The following CD160 variants were observed in gnomAD, a reference collection of about 807,000 sequenced individuals.
The protein encoded by CD160 is CD160 molecule.
A neutral mutation model predicts 19.2 loss-of-function variants in CD160; 11 were observed. The ratio of observed to expected loss-of-function variants is 0.57; its 90% CI spans 0.36 to 0.95. The LOEUF is 0.95. Ranked by LOEUF, CD160 falls within the 40% of genes least tolerant of loss-of-function variation. CD160 has a pLI of 0.01. For synonymous variants in CD160, 75 were observed against 81.1 expected, an observed-to-expected ratio of 0.93 and a Z score of 0.40; for missense variants, 182 against 213.2, an observed-to-expected ratio of 0.85 and a Z score of 0.91.
Position 145,736,057 on chromosome 1 carries a change from A to C in CD160, c.461A>C (p.Asn154Thr). The C allele has an allele frequency of 6.2e-7, 1 of 1,614,126 alleles. No homozygotes were observed. Among genetic ancestry groups the C allele is most frequent in the Non-Finnish European group, 8.5e-7 (1 of 1,179,960 alleles). Reference sequence around the variant, plus strand: ...AGACAACACCTTGAGTTCAGCCATAATGAAGGCACTCTCAGTTCAGGCTTC... The same window carrying C: ...AGACAACACCTTGAGTTCAGCCATACTGAAGGCACTCTCAGTTCAGGCTTC... ...KQRQHLEFSH[N>T]EGTLSSGFLQ... is the part of the protein sequence containing the mutation. The change falls in exon 5 of 6, where the codon AAT (asparagine) becomes ACT (threonine). Residue 154 changes from asparagine to threonine, a missense_variant. Physicochemically the swap from Asn to Thr is moderately conservative, Grantham distance 65. Coordinates refer to ENST00000369288, the MANE Select transcript of CD160 (RefSeq NM_007053.4).
intron 1 of CD160, among the ~76,000 whole-genome samples, chr1:145,723,227 C>G (rs1553708023): frequency 6.6e-6 from 1 of 152,086 alleles, no homozygotes; most frequent in Non-Finnish European, 1.5e-5. Context: ...TAGATAAGTA[C>G]AGAAGAATTT....
intron 1 of CD160, among the ~76,000 whole-genome samples, chr1:145,722,073 T>C (rs1553707880): frequency 6.6e-6 from 1 of 152,192 alleles, no homozygotes; most frequent in Non-Finnish European, 1.5e-5. Flanking sequence ...ATATGCTTCG[T>C]ACAAATAATA....
intron 1 of CD160, among the ~76,000 whole-genome samples, chr1:145,720,682 A>T (rs960108942): frequency 1.3e-5 from 2 of 152,182 alleles, no homozygotes; most frequent in Non-Finnish European, 2.9e-5. Flanking sequence ...GAGGAAATGG[A>T]GACTCTTCCT....
chr1:145,731,213 G>A, intron 4 of CD160, 143 bp downstream of exon 4: 1 of 696,846 alleles, frequency 1.4e-6, no homozygotes, highest in Non-Finnish European at 2.5e-6. Flanking sequence ...GGCAGATGCT[G>A]CCTTTCTTCA....
intron 3 of CD160, among the ~76,000 whole-genome samples, chr1:145,730,223 A>G (rs181119329): frequency 6.6e-6 from 1 of 152,256 alleles, no homozygotes; most frequent in African/African-American, 2.4e-5. Flanking sequence ...GGAAGGCGGA[A>G]GCAGGAGGAT....
rs1474323810 is a variant in CD160, at chr1:145,736,235, C to G, written c.538+101C>G. ...GGAGGAGAAGGTTGGAAAGGATGTCCAGGGGGAGAGAAAAATGTTACTCAA... is the reference window on the plus strand; with the variant it reads ...GGAGGAGAAGGTTGGAAAGGATGTCGAGGGGGAGAGAAAAATGTTACTCAA... On this transcript the variant is annotated intron_variant, in intron 5 of 5. Coordinates refer to ENST00000369288, the MANE Select transcript of CD160 (RefSeq NM_007053.4). The G allele has an allele frequency of 4.0e-5, 63 of 1,580,252 alleles. No individual in the cohort carries two copies. The Admixed American group carries it at 1.2e-3, about 29-fold the overall frequency.
intron 1 of CD160, among the ~76,000 whole-genome samples, chr1:145,719,973 G>A (rs1444223954): frequency 2.6e-5 from 4 of 152,304 alleles, no homozygotes; most frequent in Admixed American, 1.3e-4. Context: ...TTGGAGGTCC[G>A]TGAATAGATT....
chr1:145,730,183 A>C (rs1484172869), intron 3 of CD160, among the ~76,000 whole-genome samples: 14 of 152,082 alleles, frequency 9.2e-5, no homozygotes, highest in African/African-American at 3.1e-4. Context: ...AGCCAGGCAT[A>C]GTGGTGCATA....
chr1:145,733,406 C>G (rs781907991), intron 4 of CD160, among the ~76,000 whole-genome samples: 4 of 152,150 alleles, frequency 2.6e-5, no homozygotes, highest in Non-Finnish European at 4.4e-5. Flanking sequence ...AGCCAAAGTG[C>G]TGGGATTACA....
intron 2 of CD160, among the ~76,000 whole-genome samples, chr1:145,725,336 T>C (rs1464684360): frequency 6.6e-6 from 1 of 151,894 alleles, no homozygotes; most frequent in Non-Finnish European, 1.5e-5. Context: ...TCCCAGATAC[T>C]CGGCAGGCTG....
chr1:145,731,211 C>A, intron 4 of CD160, 141 bp downstream of exon 4: 1 of 699,730 alleles, frequency 1.4e-6, no homozygotes, highest in South Asian at 1.7e-5. Context: ...TTGGCAGATG[C>A]TGCCTTTCTT....
intron 5 of CD160, 105 bp downstream of exon 5, chr1:145,736,239 G>C: frequency 6.3e-7 from 1 of 1,576,824 alleles, no homozygotes. Flanking sequence ...GATGTCCAGG[G>C]GGAGAGAAAA....
intron 2 of CD160, among the ~76,000 whole-genome samples, chr1:145,725,201 CA>C (rs1657009442): frequency 6.6e-6 from 1 of 151,848 alleles, no homozygotes; most frequent in Non-Finnish European, 1.5e-5. Context: ...GGGTGGATCA[CA>C]AGGTTAGGAG....
At chr1:145,728,916 T>G (rs1268871891) in intron 3 of CD160, among the ~76,000 whole-genome samples, 1 of 152,182 alleles carries the variant, frequency 6.6e-6, no homozygotes, top group East Asian at 1.9e-4. Context: ...TAAGATTCCT[T>G]TAGGCTCTTA....
At position 145,738,660 on chromosome 1, in the gene CD160, T is replaced by C. The variant is rs879963992; in HGVS notation, c.*167T>C. The C allele has an allele frequency of 2.3e-6, 1 of 442,300 alleles. No individual in the cohort carries two copies. Among genetic ancestry groups the C allele is most frequent in the Non-Finnish European group, 3.9e-6 (1 of 255,618 alleles). 27.4% of individuals were successfully genotyped at this position (442,300 alleles called of 1,614,324 possible). On this transcript the variant is annotated 3_prime_UTR_variant, in exon 6 of 6. Coordinates refer to ENST00000369288, the MANE Select transcript of CD160 (RefSeq NM_007053.4). ...GGAAATATAAGCTGGGGCAAATCAG[T>C]GTAATCCTTGACTTTGCTCCTCACC...
In CD160 at chr1:145,728,390, C is replaced by A. The variant is rs782807603; in HGVS notation, c.63C>A (p.Ile21=). Residue 21 remains isoleucine, a synonymous_variant, in exon 3 of 6, where the codon ATC becomes ATA. Coordinates refer to ENST00000369288, the MANE Select transcript of CD160 (RefSeq NM_007053.4). The part of the protein sequence containing the change: ...ALAILLAIVD[I]QSGGCINITS... ...CCATCCTGCTGGCAATTGTGGACAT[C>A]CAGTCTGGTGGTGAGGATAGACCCT... 6.2e-7 allele frequency: 1 copy of A among 1,611,160 alleles called. No individual in the cohort carries two copies. The highest frequency in any genetic ancestry group is 2.2e-5 in the East Asian group (1 of 44,874).
intron 1 of CD160, among the ~76,000 whole-genome samples, chr1:145,721,379 C>CCT (rs1432818302): frequency 1.3e-5 from 2 of 152,178 alleles, no homozygotes; most frequent in Non-Finnish European, 2.9e-5. Context: ...CGCTGCCCCG[C>CCT]CTGCATCACA....
intron 4 of CD160, 46 bp from the exon 5 acceptor site, chr1:145,735,951 T>C (rs782482662): frequency 7.4e-7 from 1 of 1,349,956 alleles, no homozygotes. Flanking sequence ...GAGATACTGA[T>C]GATTTCTGAA....
intron 1 of CD160, among the ~76,000 whole-genome samples, chr1:145,724,124 T>A (rs1656962915): frequency 6.6e-6 from 1 of 152,252 alleles, no homozygotes; most frequent in South Asian, 2.1e-4. Context: ...ATCTTTTAAA[T>A]TTTTGTTCAC....
Sources: gnomAD v4.1 joint callset for allele counts (sites outside exome capture counted in the v4.1 genomes callset) on GRCh38, gnomAD v4.1.1 for gene constraint, MANE v1.5 for transcripts, NCBI Gene and HGNC (gene_info 2026-07-23, HGNC 2026-07-21) for gene names.